Variants in COL11A1 observed in about 807,000 individuals in gnomAD.
The protein encoded by COL11A1 is collagen alpha-1(XI) chain.
In COL11A1, 74 loss-of-function variants were observed where a neutral mutation model predicts 265.2. The ratio of observed to expected loss-of-function variants is 0.28; its 90% confidence interval spans 0.23 to 0.34. The LOEUF (loss-of-function observed/expected upper bound fraction) is 0.34, where lower values mean the gene tolerates loss of function less well. COL11A1 is among the 10% of genes least tolerant of loss of function. COL11A1 has a pLI of 1.00. For missense variants in COL11A1, 2,165 were observed against 2,263.6 expected (o/e 0.96, Z 0.88); for synonymous variants, 816 against 727.6 (o/e 1.12, Z -1.96).
intron 59 of COL11A1, 30 bp from the exon 60 acceptor site, chr1:102,888,949 A>AT: frequency 6.3e-7 from 1 of 1,583,764 alleles, no homozygotes; most frequent in Non-Finnish European, 8.7e-7. Flanking sequence ...ATTTAAAGGG[A>AT]TTTTCTCAGC....
Position 102,987,731 on chromosome 1 carries a change from C to A in COL11A1, c.2404G>T (p.Gly802Cys). The change falls in exon 30 of 67, where the codon GGT becomes TGT. Residue 802 changes from glycine (G) to cysteine (C), a missense_variant. Transcript: ENST00000370096. ...TCTTCCCCTCTTGGGCCAATTTGAC[C>A]AACTTCTCCCTGAGGCACAGAATAA... ...MGLKGDRGEV[G>C]QIGPRGEDGP... is the part of the protein sequence containing the mutation. 1 of 1,612,792 alleles carries A rather than the reference C, an allele frequency of 6.2e-7. No homozygotes were observed. Among genetic ancestry groups the A allele is most frequent in the Non-Finnish European group, 8.5e-7 (1 of 1,179,046 alleles).
At chr1:102,909,056 C>T (rs1457893544) in intron 54 of COL11A1, among the ~76,000 whole-genome samples, 2 of 151,956 alleles carry the variant, frequency 1.3e-5, no homozygotes, top group African/African-American at 2.4e-5. Flanking sequence ...ATATTTCTCC[C>T]CTCCAAACCT....
At chr1:102,934,813 A>C (rs1657971463) in intron 45 of COL11A1, among the ~76,000 whole-genome samples, 1 of 152,148 alleles carries the variant, frequency 6.6e-6, no homozygotes, top group Admixed American at 6.5e-5. Flanking sequence ...AACGGAAATA[A>C]TTTTCTGAAT....
intron 3 of COL11A1, among the ~76,000 whole-genome samples, chr1:103,076,892 C>A (rs1303839987): frequency 1.3e-5 from 2 of 152,104 alleles, no homozygotes; most frequent in Admixed American, 6.6e-5. Flanking sequence ...AATGAATGTT[C>A]ACTCATGATG....
chr1:102,922,542 A>G (rs929782787), intron 47 of COL11A1, among the ~76,000 whole-genome samples: 8 of 152,088 alleles, frequency 5.3e-5, no homozygotes, highest in Admixed American at 2.6e-4. Flanking sequence ...GACTACAGGC[A>G]CACGCCACCA....
At chr1:102,905,151 C>G (rs1279997384) in intron 54 of COL11A1, among the ~76,000 whole-genome samples, 1 of 144,416 alleles carries the variant, frequency 6.9e-6, no homozygotes, top group Non-Finnish European at 1.5e-5. Context: ...CATGTTCTCA[C>G]TCATAGGTGG....
intron 4 of COL11A1, among the ~76,000 whole-genome samples, chr1:103,047,448 G>T (rs1164800866): frequency 6.6e-6 from 1 of 152,206 alleles, no homozygotes; most frequent in Non-Finnish European, 1.5e-5. Context: ...TTTGCACATT[G>T]ATTTTGTATC....
chr1:103,021,615 T>C (rs1667082171), intron 9 of COL11A1, 92 bp downstream of exon 9: 3 of 846,016 alleles, frequency 3.5e-6, no homozygotes, highest in East Asian at 4.9e-5. Flanking sequence ...AGATTATCAT[T>C]GGTAAAACAC....
chr1:102,971,746 C>T (rs2101634883), intron 36 of COL11A1, among the ~76,000 whole-genome samples: 1 of 152,138 alleles, frequency 6.6e-6, no homozygotes, highest in East Asian at 1.9e-4. Flanking sequence ...TGTGTATTGA[C>T]ATCCTGGGTG....
At chr1:103,069,024 C>T (rs943351576) in intron 4 of COL11A1, among the ~76,000 whole-genome samples, 1 of 151,484 alleles carries the variant, frequency 6.6e-6, no homozygotes, top group African/African-American at 2.4e-5. Context: ...TAAATGAAAT[C>T]CCCATTAAAA....
intron 13 of COL11A1, 135 bp from the exon 14 acceptor site, chr1:103,012,604 G>A: frequency 1.4e-6 from 1 of 713,920 alleles, no homozygotes; most frequent in Non-Finnish European, 2.5e-6. Context: ...TAGAAAGAGT[G>A]TCAGGTTACT....
chr1:103,098,110 A>G (rs936272116), intron 1 of COL11A1, among the ~76,000 whole-genome samples: 1 of 151,986 alleles, frequency 6.6e-6, no homozygotes, highest in African/African-American at 2.4e-5. Context: ...TATACTTCCA[A>G]TATAACCATT....
At chr1:102,912,961 A>T (rs181031566) in intron 53 of COL11A1, among the ~76,000 whole-genome samples, 3 of 152,358 alleles carry the variant, frequency 2.0e-5, no homozygotes, top group Admixed American at 2.0e-4. Context: ...TTTCCATTAT[A>T]AATTACCCAT....
At chr1:102,981,387 A>G (rs1303617471) in intron 31 of COL11A1, among the ~76,000 whole-genome samples, 5 of 143,674 alleles carry the variant, frequency 3.5e-5, no homozygotes, top group African/African-American at 1.3e-4. Flanking sequence ...TATGAAAATA[A>G]AAATTTTGAG....
intron 1 of COL11A1, among the ~76,000 whole-genome samples, chr1:103,090,113 C>T (rs1347868090): frequency 6.6e-6 from 1 of 151,702 alleles, no homozygotes; most frequent in Non-Finnish European, 1.5e-5. Flanking sequence ...CAGAACGAGG[C>T]TTTGTCTCAA....
intron 4 of COL11A1, among the ~76,000 whole-genome samples, chr1:103,061,573 C>T (rs1327116566): frequency 6.6e-6 from 1 of 151,922 alleles, no homozygotes; most frequent in Non-Finnish European, 1.5e-5. Context: ...AGAAAGATAA[C>T]TGGGAAATCC....
chr1:102,905,121 G>A (rs562343076), intron 54 of COL11A1, among the ~76,000 whole-genome samples: 1 of 149,448 alleles, frequency 6.7e-6, no homozygotes, highest in East Asian at 2.0e-4. Context: ...ACTATCGCAA[G>A]GACAAAAAAC....
chr1:102,932,596 CTT>C lies in COL11A1; in HGVS notation c.3600+1851_3600+1852del, dbSNP rs2101180777. ...TGGAGTTGTTCTTCTCGTGGAGTGT[CTT>C]TGTGGCATTCTCTGTATTTCCTGAA... On this transcript the variant is annotated intron_variant, in intron 46 of 66. Coordinates refer to ENST00000370096, the MANE Select transcript of COL11A1 (RefSeq NM_001854.4). Among the ~76,000 whole-genome samples, 3 of 152,202 alleles carry C rather than the reference CTT, an allele frequency of 2.0e-5. No individual in the cohort carries two copies. The South Asian group carries it at 6.2e-4, about 32-fold the overall frequency.
chr1:103,073,033 G>C (rs1671706396), intron 4 of COL11A1, among the ~76,000 whole-genome samples: 1 of 151,626 alleles, frequency 6.6e-6, no homozygotes, highest in African/African-American at 2.4e-5. Flanking sequence ...AAACTTCATA[G>C]GGTTTCATGA....
Sources: allele counts gnomAD v4.1 joint callset (sites outside exome capture counted in the v4.1 genomes callset), GRCh38; gene constraint gnomAD v4.1.1; transcripts MANE v1.5; gene names NCBI Gene and HGNC (gene_info 2026-07-23, HGNC 2026-07-21).